Variants in NRG3 observed in about 807,000 individuals in gnomAD.
The protein encoded by NRG3 is neuregulin 3.
Under a neutral mutation model 66.9 loss-of-function variants are expected in NRG3, and 31 were observed. The ratio of observed to expected loss-of-function variants is 0.46; its 90% CI spans 0.35 to 0.63. The LOEUF is 0.63. Among genes scored for constraint, NRG3 ranks in the 20% least tolerant of loss-of-function variants. The pLI, the probability that NRG3 is intolerant of heterozygous loss-of-function variation, is 0.00. For synonymous variants in NRG3, 393 were observed against 359.4 expected (o/e 1.09, Z -1.06); for missense variants, 910 against 878.9 (o/e 1.04, Z -0.45).
intron 4 of NRG3, among the ~76,000 whole-genome samples, chr10:82,922,165 A>G (rs113661882): frequency 0.011 from 1,688 of 151,150 alleles, 33 homozygotes; most frequent in African/African-American, 0.039. Flanking sequence ...ATAATATTCT[A>G]TATATATATA....
At position 81,932,349 on chromosome 10, in the gene NRG3, A is replaced by T. The variant is rs1847454168; in HGVS notation, c.823+56186A>T. 1.3e-5 allele frequency among the ~76,000 whole-genome samples: 2 copies of T among 151,482 alleles called. 1 individual carries two copies. On this transcript the variant is annotated intron_variant, in intron 1 of 8. Coordinates refer to ENST00000372141, the MANE Select transcript of NRG3 (RefSeq NM_001010848.4). ...ACCAAGCCATGAGTGACCCACCTCC[A>T]TGATCCACACACCTCCACCAGGTTC... is the stretch of plus-strand genomic sequence containing the variant.
Position 82,627,489 on chromosome 10 carries a change from T to C in NRG3, c.954-111088T>C, listed in dbSNP as rs78635676. Among the ~76,000 whole-genome samples the C allele has an allele frequency of 4.4e-3, 677 of 152,140 alleles. 4 individuals carry two copies. The highest frequency in any genetic ancestry group is 0.016 in the African/African-American group (650 of 41,524). On this transcript the variant is annotated intron_variant, in intron 2 of 8. Coordinates refer to ENST00000372141, the MANE Select transcript of NRG3 (RefSeq NM_001010848.4). ...CTGTAGAAAAAAATAAATAAAACAA[T>C]AATATGCTGAAAAAATAACCTCAAA... is the stretch of plus-strand genomic sequence containing the variant.
chr10:82,331,424 TACTTTA>T (rs1189129005), intron 1 of NRG3, among the ~76,000 whole-genome samples: 1 of 152,180 alleles, frequency 6.6e-6, no homozygotes, highest in Non-Finnish European at 1.5e-5. Flanking sequence ...CCATGGGTTT[TACTTTA>T]ACTCAGTATT....
At chr10:82,361,249 A>G (rs1472381679) in intron 2 of NRG3, among the ~76,000 whole-genome samples, 2 of 152,226 alleles carry the variant, frequency 1.3e-5, no homozygotes, top group East Asian at 3.9e-4. Context: ...TTCTGTCTTC[A>G]TATTTCTTGC....
chr10:82,210,372 G>C (rs2075337432), intron 1 of NRG3, among the ~76,000 whole-genome samples: 1 of 152,164 alleles, frequency 6.6e-6, no homozygotes, highest in African/African-American at 2.4e-5. Flanking sequence ...TCTCCAGCTA[G>C]AAGGCGGCTA....
At chr10:82,040,366 CAT>C (rs1057277732) in intron 1 of NRG3, among the ~76,000 whole-genome samples, 1 of 151,494 alleles carries the variant, frequency 6.6e-6, no homozygotes, top group African/African-American at 2.4e-5. Context: ...GACATATATA[CAT>C]ATATATACAC....
chr10:82,738,950 C>A (rs1453745242), intron 3 of NRG3, among the ~76,000 whole-genome samples: 7 of 152,170 alleles, frequency 4.6e-5, no homozygotes. Context: ...ATTTCAAAAG[C>A]AGGGATCTAG....
intron 1 of NRG3, among the ~76,000 whole-genome samples, chr10:81,909,238 C>CT (rs1364131813): frequency 6.6e-6 from 1 of 151,214 alleles, no homozygotes; most frequent in Non-Finnish European, 1.5e-5. Context: ...AAATTTCTTT[C>CT]TTTTTTAAAA....
At chr10:82,843,878 A>G (rs1032623313) in intron 3 of NRG3, among the ~76,000 whole-genome samples, 2 of 152,218 alleles carry the variant, frequency 1.3e-5, no homozygotes, top group African/African-American at 4.8e-5. Flanking sequence ...ATTTATCAAG[A>G]TGATATCCAG....
At chr10:81,926,150 C>T (rs1293089942) in intron 1 of NRG3, among the ~76,000 whole-genome samples, 2 of 152,164 alleles carry the variant, frequency 1.3e-5, no homozygotes, top group Admixed American at 6.5e-5. Flanking sequence ...TGGAGTCTAA[C>T]TTTGTTTCCC....
intron 2 of NRG3, among the ~76,000 whole-genome samples, chr10:82,573,388 T>C (rs993592467): frequency 6.6e-6 from 1 of 151,854 alleles, no homozygotes; most frequent in Non-Finnish European, 1.5e-5. Flanking sequence ...TCTCAAAGCC[T>C]TTTTCTTATA....
At position 82,413,593 on chromosome 10, in the gene NRG3, A is replaced by G. The variant is rs145315782; in HGVS notation, c.953+54725A>G. On this transcript the variant is annotated intron_variant, in intron 2 of 8. Coordinates refer to ENST00000372141, the MANE Select transcript of NRG3 (RefSeq NM_001010848.4). ...GAGTCAGCGGTTCCTTTGAAATTTT[A>G]AAGCCAGTCATTGACTTCTCTCTAG... Among the ~76,000 whole-genome samples the G allele has an allele frequency of 3.7e-3, 566 of 152,292 alleles. 1 individual carries two copies. Among genetic ancestry groups the G allele is most frequent in the African/African-American group, 0.013 (536 of 41,572 alleles).
chr10:82,675,191 A>G (rs192696441), intron 2 of NRG3, among the ~76,000 whole-genome samples: 74 of 152,178 alleles, frequency 4.9e-4, no homozygotes, highest in South Asian at 1.0e-3. Flanking sequence ...TCCTGACCTC[A>G]GGTGGTCCGC....
intron 6 of NRG3, among the ~76,000 whole-genome samples, chr10:82,971,643 G>C (rs763088821): frequency 1.3e-5 from 2 of 151,928 alleles, no homozygotes. Context: ...CACCATGTTT[G>C]CCAGGCTGGT....
At chr10:82,151,595 C>T (rs1375238434) in intron 1 of NRG3, among the ~76,000 whole-genome samples, 2 of 152,094 alleles carry the variant, frequency 1.3e-5, no homozygotes, top group Non-Finnish European at 2.9e-5. Flanking sequence ...CTCACTTAGT[C>T]GTCTGTAATT....
intron 2 of NRG3, among the ~76,000 whole-genome samples, chr10:82,481,830 CA>C (rs1363120596): frequency 6.6e-6 from 1 of 152,022 alleles, no homozygotes; most frequent in Admixed American, 6.6e-5. Context: ...ACTAAAAACA[CA>C]AAAAAGTGAG....
At chr10:82,304,983 CTTTTTTTTTTTTTTTT>C (rs760661674) in intron 1 of NRG3, among the ~76,000 whole-genome samples, 5 of 73,830 alleles carry the variant, frequency 6.8e-5, no homozygotes, top group South Asian at 4.3e-4. Flanking sequence ...TCAGATTCCT[CTTTTTTTTTTTTTTTT>C]TTTTTTTTTT....
At chr10:82,759,095 A>G (rs1356555910) in intron 3 of NRG3, among the ~76,000 whole-genome samples, 6 of 152,108 alleles carry the variant, frequency 3.9e-5, no homozygotes, top group Non-Finnish European at 5.9e-5. Flanking sequence ...TGTCATGAAG[A>G]GATTAATGTC....
intron 2 of NRG3, among the ~76,000 whole-genome samples, chr10:82,500,791 G>C (rs1844102283): frequency 6.6e-6 from 1 of 152,126 alleles, no homozygotes; most frequent in Admixed American, 6.5e-5. Flanking sequence ...GATCTTTCCA[G>C]TTGAAAAATG....
Sources: gnomAD v4.1 joint callset for allele counts (sites outside exome capture counted in the v4.1 genomes callset) on GRCh38, gnomAD v4.1.1 for gene constraint, MANE v1.5 for transcripts, NCBI Gene and HGNC (gene_info 2026-07-23, HGNC 2026-07-21) for gene names.